The following RBKS variants were observed in gnomAD, a reference collection of about 807,000 sequenced individuals.
RBKS encodes the protein ribokinase.
A neutral mutation model predicts 33.9 loss-of-function variants in RBKS; 33 were observed. That is an observed-to-expected ratio of 0.97 (90% CI 0.74 to 1.30). The LOEUF is 1.30. RBKS is among the 50% of genes most tolerant of loss of function. The pLI, the probability that RBKS is intolerant of heterozygous loss-of-function variation, is 0.00. For synonymous variants in RBKS, 125 were observed against 143.0 expected, an observed-to-expected ratio of 0.87 and a Z score of 0.90; for missense variants, 361 against 392.6, an observed-to-expected ratio of 0.92 and a Z score of 0.68.
At chr2:27,797,762 G>T (rs1677689834) in intron 7 of RBKS, among the ~76,000 whole-genome samples, 1 of 152,112 alleles carries the variant, frequency 6.6e-6, no homozygotes, top group Non-Finnish European at 1.5e-5. Flanking sequence ...GGAATCAAAG[G>T]TTTCAGGAAA....
At position 27,818,258 on chromosome 2, in the gene RBKS, C is replaced by T. The variant is rs1678136222; in HGVS notation, c.795+9309G>A. Among the ~76,000 whole-genome samples the T allele has an allele frequency of 2.6e-5, 4 of 152,286 alleles. No individual in the cohort carries two copies. In the South Asian group the frequency reaches 8.3e-4, roughly 32 times the overall value. On this transcript the variant is annotated intron_variant, in intron 7 of 7. Transcript: ENST00000302188. ...TTCTCAGGGTATACGTGGATTATTTCATTTAAACGAGGCTGCAGTGTACTG... is the reference window on the plus strand; with the variant it reads ...TTCTCAGGGTATACGTGGATTATTTTATTTAAACGAGGCTGCAGTGTACTG...
intron 7 of RBKS, among the ~76,000 whole-genome samples, chr2:27,794,214 T>C (rs1321292170): frequency 6.6e-6 from 1 of 151,034 alleles, no homozygotes; most frequent in African/African-American, 2.4e-5. Flanking sequence ...GGAGAATCGC[T>C]TGAACCTGGG....
At chr2:27,865,193 A>G (rs970081859) in intron 1 of RBKS, among the ~76,000 whole-genome samples, 5 of 152,106 alleles carry the variant, frequency 3.3e-5, no homozygotes, top group African/African-American at 7.2e-5. Context: ...GGTGGCAGGC[A>G]CCTGTAGTCC....
At chr2:27,838,240 A>AC in intron 5 of RBKS, among the ~76,000 whole-genome samples, 1 of 152,054 alleles carries the variant, frequency 6.6e-6, no homozygotes, top group East Asian at 1.9e-4. Flanking sequence ...CTGCACATGT[A>AC]CCCCCGTGTC....
intron 2 of RBKS, 122 bp downstream of exon 2, chr2:27,858,317 T>C (rs1663900257): frequency 1.2e-6 from 1 of 862,504 alleles, no homozygotes; most frequent in East Asian, 2.6e-5. Context: ...AATGCCACTC[T>C]ATGTATTACA....
chr2:27,800,008 C>T (rs1189120900), intron 7 of RBKS, among the ~76,000 whole-genome samples: 6 of 151,362 alleles, frequency 4.0e-5, no homozygotes, highest in African/African-American at 1.5e-4. Flanking sequence ...GTCATATGTA[C>T]CTGGTTTTAA....
intron 7 of RBKS, among the ~76,000 whole-genome samples, chr2:27,797,941 G>A (rs191163289): frequency 9.1e-4 from 138 of 152,222 alleles, no homozygotes; most frequent in African/African-American, 2.9e-3. Flanking sequence ...AGGTTTTACC[G>A]GAGAACTGAA....
chr2:27,876,623 G>A (rs1383275750), intron 1 of RBKS, among the ~76,000 whole-genome samples: 1 of 152,040 alleles, frequency 6.6e-6, no homozygotes, highest in African/African-American at 2.4e-5. Context: ...AAATTCATAG[G>A]GATAGAAAGT....
At chr2:27,843,294 G>C in intron 4 of RBKS, 63 bp from the exon 5 acceptor site, 1 of 1,285,904 alleles carries the variant, frequency 7.8e-7, no homozygotes, top group Non-Finnish European at 1.1e-6. Context: ...ATATTCTGCA[G>C]TGTTATGAAT....
chr2:27,807,642 G>C (rs1677920104), intron 7 of RBKS, among the ~76,000 whole-genome samples: 1 of 152,186 alleles, frequency 6.6e-6, no homozygotes, highest in Admixed American at 6.5e-5. Context: ...AAAGTACTGG[G>C]ATTCCAGGAA....
intron 7 of RBKS, among the ~76,000 whole-genome samples, chr2:27,824,444 A>T (rs1457258580): frequency 6.6e-6 from 1 of 152,112 alleles, no homozygotes; most frequent in Non-Finnish European, 1.5e-5. Context: ...GGATTGATCT[A>T]TTCTGAATAT....
At chr2:27,864,696 A>T (rs1476903152) in intron 1 of RBKS, among the ~76,000 whole-genome samples, 7 of 152,138 alleles carry the variant, frequency 4.6e-5, no homozygotes, top group Non-Finnish European at 1.0e-4. Context: ...CAGGTTTTTG[A>T]ATCAGAGACA....
chr2:27,788,156 C>G (rs1677438198), intron 7 of RBKS, among the ~76,000 whole-genome samples: 2 of 152,146 alleles, frequency 1.3e-5, no homozygotes, highest in South Asian at 4.1e-4. Flanking sequence ...CTGAATGCTT[C>G]CTCCCTAATA....
At chr2:27,879,542 A>G (rs1317053961) in intron 1 of RBKS, among the ~76,000 whole-genome samples, 1 of 152,048 alleles carries the variant, frequency 6.6e-6, no homozygotes, top group African/African-American at 2.4e-5. Context: ...TTCTTCTACC[A>G]TGGAATGATA....
At chr2:27,830,325 T>C (rs1214578234) in intron 6 of RBKS, among the ~76,000 whole-genome samples, 1 of 152,034 alleles carries the variant, frequency 6.6e-6, no homozygotes, top group African/African-American at 2.4e-5. Flanking sequence ...AGCCGCCTGA[T>C]CTTGGCTCAC....
intron 1 of RBKS, among the ~76,000 whole-genome samples, chr2:27,885,024 A>G (rs1664500259): frequency 1.3e-5 from 2 of 152,026 alleles, no homozygotes; most frequent in African/African-American, 4.8e-5. Context: ...CTCTCCTTTG[A>G]GATCCAAACT....
intron 7 of RBKS, among the ~76,000 whole-genome samples, chr2:27,804,844 G>T (rs1677865584): frequency 6.6e-6 from 1 of 152,086 alleles, no homozygotes; most frequent in Non-Finnish European, 1.5e-5. Context: ...CAGGAAGATG[G>T]CAAAACCTCG....
rs1677650215 is a variant in RBKS, at chr2:27,795,504, C to A, written c.796-13716G>T. On this transcript the variant is annotated intron_variant, in intron 7 of 7. Coordinates refer to ENST00000302188, the MANE Select transcript of RBKS (RefSeq NM_022128.3). The surrounding 1 kb of genome is among the most constrained non-coding windows in gnomAD (Gnocchi z 4.1). ...AGAGAGTGAACTTTTACTGTTTGCT[C>A]CTCATCAAGAGGCAGCAAAGCCGGG... 6.6e-6 allele frequency among the ~76,000 whole-genome samples: 1 copy of A among 152,130 alleles called. No homozygotes were observed. The highest frequency in any genetic ancestry group is 6.5e-5 in the Admixed American group (1 of 15,272).
chr2:27,788,794 A>T (rs1305637055), intron 7 of RBKS, among the ~76,000 whole-genome samples: 1 of 152,234 alleles, frequency 6.6e-6, no homozygotes, highest in Non-Finnish European at 1.5e-5. Flanking sequence ...TTTAAGGCTA[A>T]ATTTAACTGA....
Sources: gnomAD v4.1 joint callset for allele counts (sites outside exome capture counted in the v4.1 genomes callset) on GRCh38, gnomAD v4.1.1 for gene constraint, Gnocchi (gnomAD v3.1) non-coding constraint, MANE v1.5 for transcripts, NCBI Gene and HGNC (gene_info 2026-07-23, HGNC 2026-07-21) for gene names.